ARID5B: variants seen among roughly 807,000 people sequenced by gnomAD.
ARID5B encodes AT-rich interactive domain-containing protein 5B.
In ARID5B, 13 loss-of-function variants were observed where a neutral mutation model predicts 97.2. The ratio of observed to expected loss-of-function variants is 0.13; its 90% CI spans 0.09 to 0.21. The LOEUF (loss-of-function observed/expected upper bound fraction) is 0.21, where lower values mean the gene tolerates loss of function less well. Among genes scored for constraint, ARID5B ranks in the 10% least tolerant of loss-of-function variants. ARID5B has a pLI of 1.00. For missense variants in ARID5B, 1,210 were observed against 1,465.3 expected (o/e 0.83, Z 2.84); for synonymous variants, 556 against 570.3 (o/e 0.97, Z 0.36).
intron 4 of ARID5B, among the ~76,000 whole-genome samples, chr10:62,017,647 G>A (rs1839300934): frequency 6.6e-6 from 1 of 152,084 alleles, no homozygotes; most frequent in Non-Finnish European, 1.5e-5. Context: ...TCTTTTTTGT[G>A]TGTGCAAGTG....
At chr10:62,035,263 A>G (rs1180808103) in intron 4 of ARID5B, among the ~76,000 whole-genome samples, 1 of 152,170 alleles carries the variant, frequency 6.6e-6, no homozygotes, top group Non-Finnish European at 1.5e-5. Flanking sequence ...CAGTTTAACA[A>G]ACATTTACCA....
chr10:61,937,530 A>T (rs576698034), intron 2 of ARID5B, among the ~76,000 whole-genome samples: 5 of 152,364 alleles, frequency 3.3e-5, no homozygotes, highest in African/African-American at 1.2e-4. Flanking sequence ...CAGCTTACAT[A>T]AATATTGATT....
At chr10:61,983,307 A>G (rs1275278925) in intron 3 of ARID5B, among the ~76,000 whole-genome samples, 1 of 152,236 alleles carries the variant, frequency 6.6e-6, no homozygotes, top group Non-Finnish European at 1.5e-5. Context: ...TTAGAATTGA[A>G]GAATTGCAAT....
chr10:61,978,474 G>A (rs1398918489), intron 3 of ARID5B, among the ~76,000 whole-genome samples: 2 of 152,158 alleles, frequency 1.3e-5, no homozygotes, highest in Non-Finnish European at 2.9e-5. Context: ...TCACGATATT[G>A]ATTCTTCCTA....
rs556501827 is a variant in ARID5B at position 61,941,674 on chromosome 10, T to C, written c.502+1266T>C. Among the ~76,000 whole-genome samples the C allele has an allele frequency of 1.5e-3, 224 of 152,344 alleles. 1 individual carries two copies. Among genetic ancestry groups the C allele is most frequent in the African/African-American group, 5.2e-3 (217 of 41,576 alleles). On this transcript the variant is annotated intron_variant, in intron 3 of 9. Transcript: ENST00000279873. ...TGCTGTGTTTTGGGAATAGCATTAA[T>C]ATTTTCTTGCAGTTTGAGTTTAACT...
At chr10:61,988,229 CTT>C (rs1368931544) in intron 3 of ARID5B, among the ~76,000 whole-genome samples, 4 of 152,184 alleles carry the variant, frequency 2.6e-5, no homozygotes, top group Non-Finnish European at 5.9e-5. Flanking sequence ...ATAAGTATCT[CTT>C]TCAGCTGTTA....
At chr10:61,965,638 T>A (rs1412831658) in intron 3 of ARID5B, among the ~76,000 whole-genome samples, 1 of 152,172 alleles carries the variant, frequency 6.6e-6, no homozygotes, top group African/African-American at 2.4e-5. Context: ...CTATTTAAAA[T>A]AAAAATGGCT....
At chr10:62,045,888 G>A (rs948027850) in intron 4 of ARID5B, among the ~76,000 whole-genome samples, 1 of 152,186 alleles carries the variant, frequency 6.6e-6, no homozygotes, top group African/African-American at 2.4e-5. Context: ...TCTGGCTCGT[G>A]TTTAAAAGAC....
intron 3 of ARID5B, among the ~76,000 whole-genome samples, chr10:61,987,692 AC>A (rs889133860): frequency 6.6e-6 from 1 of 152,250 alleles, no homozygotes; most frequent in African/African-American, 2.4e-5. Flanking sequence ...AATGTGCATG[AC>A]TATGTTGTAA....
At chr10:62,075,878 A>ATC (rs1219488790) in intron 8 of ARID5B, among the ~76,000 whole-genome samples, 1 of 152,102 alleles carries the variant, frequency 6.6e-6, no homozygotes, top group Non-Finnish European at 1.5e-5. Context: ...CTTGGATAGG[A>ATC]TAGATTTGCC....
intron 2 of ARID5B, among the ~76,000 whole-genome samples, chr10:61,938,325 C>T (rs1378230967): frequency 1.3e-5 from 2 of 152,166 alleles, no homozygotes; most frequent in African/African-American, 4.8e-5. Context: ...AAATAACACT[C>T]ATCTACAAAC....
chr10:62,027,285 C>CTTTTTTTT lies in ARID5B; in HGVS notation c.734-23569_734-23562dup, dbSNP rs777291593. Among the ~76,000 whole-genome samples the CTTTTTTTT allele has an allele frequency of 1.5e-4, 10 of 67,406 alleles. 3 individuals carry two copies. Among genetic ancestry groups the CTTTTTTTT allele is most frequent in the Non-Finnish European group, 1.9e-4 (7 of 36,556 alleles). 44.2% of individuals were successfully genotyped at this position (67,406 alleles called of 152,430 possible). On this transcript the variant is annotated intron_variant, in intron 4 of 9. Transcript: ENST00000279873. Reference sequence around the variant, plus strand: ...TGATGCATTAGCCTCACAGTATCTCCTTTTTTTTTTTTTTTTTTTTTTTTT... The same window carrying CTTTTTTTT: ...TGATGCATTAGCCTCACAGTATCTCCTTTTTTTTTTTTTTTTTTTTTTTTTTTTTTTTT...
intron 4 of ARID5B, among the ~76,000 whole-genome samples, chr10:62,037,697 G>A (rs1039200426): frequency 6.6e-6 from 1 of 152,076 alleles, no homozygotes; most frequent in Non-Finnish European, 1.5e-5. Flanking sequence ...GGTAACTAGG[G>A]AATTCATTTT....
intron 2 of ARID5B, among the ~76,000 whole-genome samples, chr10:61,911,429 A>C (rs1843801967): frequency 6.6e-6 from 1 of 152,210 alleles, no homozygotes; most frequent in South Asian, 2.1e-4. Flanking sequence ...TGATATATAA[A>C]GTATATGCTG....
intron 4 of ARID5B, among the ~76,000 whole-genome samples, chr10:62,045,661 G>C (rs1738104132): frequency 6.6e-6 from 1 of 152,012 alleles, no homozygotes; most frequent in African/African-American, 2.4e-5. Context: ...ATGTTAACCA[G>C]GCTGGTCTCG....
At chr10:61,972,253 G>A (rs1405501771) in intron 3 of ARID5B, among the ~76,000 whole-genome samples, 1 of 119,684 alleles carries the variant, frequency 8.4e-6, no homozygotes. Flanking sequence ...TTGAGACAGA[G>A]TTTCGCTCTT....
At chr10:62,010,928 C>G (rs1180531963) in intron 4 of ARID5B, among the ~76,000 whole-genome samples, 5 of 152,122 alleles carry the variant, frequency 3.3e-5, no homozygotes, top group African/African-American at 9.7e-5. Context: ...AAATGTGGCT[C>G]TATGGGTCAG....
intron 7 of ARID5B, among the ~76,000 whole-genome samples, chr10:62,061,763 T>G (rs1839924451): frequency 6.6e-6 from 1 of 152,212 alleles, no homozygotes; most frequent in Non-Finnish European, 1.5e-5. Context: ...GGCAGAGAAC[T>G]CTTCCTGCAT....
chr10:61,937,027 G>A (rs568282851), intron 2 of ARID5B, among the ~76,000 whole-genome samples: 6 of 152,242 alleles, frequency 3.9e-5, no homozygotes, highest in Admixed American at 2.0e-4. Flanking sequence ...AAGTCCTGCC[G>A]TCAGTTGGTT....
Sources: gnomAD v4.1 joint callset for allele counts (sites outside exome capture counted in the v4.1 genomes callset) on GRCh38, gnomAD v4.1.1 for gene constraint, MANE v1.5 for transcripts, NCBI Gene and HGNC (gene_info 2026-07-23, HGNC 2026-07-21) for gene names.